ULK4: variants seen among roughly 807,000 people sequenced by gnomAD.
The protein encoded by ULK4 is inactive serine/threonine-protein kinase ULK4.
A neutral mutation model predicts 160.6 loss-of-function variants in ULK4; 133 were observed. The observed-to-expected ratio is 0.83, with a 90% CI of 0.72 to 0.96. The LOEUF (loss-of-function observed/expected upper bound fraction) is 0.96. Ranked by LOEUF, ULK4 falls within the 40% of genes least tolerant of loss-of-function variation. The pLI is 0.00. For missense variants in ULK4, 1,580 were observed against 1,499.5 expected, an observed-to-expected ratio of 1.05 and a Z score of -0.89; for synonymous variants, 534 against 539.8, an observed-to-expected ratio of 0.99 and a Z score of 0.15.
intron 35 of ULK4, among the ~76,000 whole-genome samples, chr3:41,281,810 G>A (rs1169324049): frequency 1.3e-5 from 2 of 152,208 alleles, no homozygotes; most frequent in Non-Finnish European, 2.9e-5. Flanking sequence ...GGGAAATCAG[G>A]CAAGAGAAAG....
At chr3:41,819,739 C>A (rs1642292502) in intron 18 of ULK4, among the ~76,000 whole-genome samples, 1 of 151,782 alleles carries the variant, frequency 6.6e-6, no homozygotes, top group South Asian at 2.1e-4. Context: ...GGGTAAGATC[C>A]CCTCATTAGA....
At chr3:41,499,054 GA>G (rs2085095975) in intron 32 of ULK4, among the ~76,000 whole-genome samples, 1 of 152,090 alleles carries the variant, frequency 6.6e-6, no homozygotes, top group Non-Finnish European at 1.5e-5. Flanking sequence ...TGTGGTAAGT[GA>G]AAAAAGGCCA....
At chr3:41,508,014 A>G (rs913905354) in intron 32 of ULK4, among the ~76,000 whole-genome samples, 3 of 152,208 alleles carry the variant, frequency 2.0e-5, no homozygotes, top group Non-Finnish European at 4.4e-5. Flanking sequence ...TTGCTTTCTC[A>G]GCAGGGAGGC....
chr3:41,702,924 G>C (rs1408498115), intron 27 of ULK4, among the ~76,000 whole-genome samples: 6 of 147,234 alleles, frequency 4.1e-5, no homozygotes, highest in Non-Finnish European at 7.4e-5. Context: ...CACAACCTCA[G>C]CTCACTGCAA....
At chr3:41,819,386 T>C (rs1015816722) in intron 19 of ULK4, 37 bp downstream of exon 19, 23 of 1,591,060 alleles carry the variant, frequency 1.4e-5, no homozygotes, top group Non-Finnish European at 1.9e-5. Context: ...GTTATTACAA[T>C]TGCCAGCATC....
chr3:41,279,153 G>A (rs1296070195), intron 35 of ULK4, among the ~76,000 whole-genome samples: 3 of 149,932 alleles, frequency 2.0e-5, no homozygotes, highest in Non-Finnish European at 4.4e-5. Context: ...ACGCATGCAC[G>A]AGTTTAAATA....
intron 19 of ULK4, among the ~76,000 whole-genome samples, chr3:41,816,250 A>T (rs1029265026): frequency 1.3e-5 from 2 of 152,190 alleles, no homozygotes; most frequent in Non-Finnish European, 2.9e-5. Context: ...ACACACACAC[A>T]TATTACAGCA....
At chr3:41,821,921 T>A (rs933089115) in intron 18 of ULK4, among the ~76,000 whole-genome samples, 1 of 152,196 alleles carries the variant, frequency 6.6e-6, no homozygotes, top group Non-Finnish European at 1.5e-5. Context: ...GTCCTTTAAA[T>A]TGGGCCTTAA....
At chr3:41,448,805 A>G (rs1409430597) in intron 34 of ULK4, among the ~76,000 whole-genome samples, 2 of 152,224 alleles carry the variant, frequency 1.3e-5, no homozygotes, top group African/African-American at 4.8e-5. Flanking sequence ...AATGATGTCC[A>G]CGTTCTTGGC....
chr3:41,637,190 C>T (rs947371768), intron 30 of ULK4, among the ~76,000 whole-genome samples: 2 of 152,068 alleles, frequency 1.3e-5, no homozygotes, highest in Non-Finnish European at 2.9e-5. Flanking sequence ...CCAGCATCTC[C>T]CCAACCTTCT....
At chr3:41,923,832 TA>T (rs1699285413) in intron 5 of ULK4, among the ~76,000 whole-genome samples, 1 of 152,216 alleles carries the variant, frequency 6.6e-6, no homozygotes, top group Admixed American at 6.5e-5. Flanking sequence ...CTAATTTCTC[TA>T]AATCAATCAA....
At chr3:41,658,338 G>A (rs2035017429) in intron 30 of ULK4, among the ~76,000 whole-genome samples, 1 of 152,104 alleles carries the variant, frequency 6.6e-6, no homozygotes, top group African/African-American at 2.4e-5. Context: ...TGATTTAATT[G>A]GCCTAGGGTA....
intron 30 of ULK4, among the ~76,000 whole-genome samples, chr3:41,655,230 A>C (rs922027850): frequency 4.6e-5 from 7 of 151,920 alleles, no homozygotes; most frequent in Admixed American, 2.6e-4. Flanking sequence ...CTTTGCAGGG[A>C]CATAGATGAA....
At chr3:41,426,448 G>A (rs186673664) in intron 34 of ULK4, among the ~76,000 whole-genome samples, 69 of 152,130 alleles carry the variant, frequency 4.5e-4, no homozygotes, top group African/African-American at 1.5e-3. Context: ...GAACTCTCCC[G>A]GACAAACAAC....
chr3:41,905,262 C>T (rs1698512109), intron 12 of ULK4, among the ~76,000 whole-genome samples: 1 of 150,116 alleles, frequency 6.7e-6, no homozygotes, highest in African/African-American at 2.4e-5. Flanking sequence ...AGCGCTGAGA[C>T]AACTGGATGT....
chr3:41,687,257 C>G (rs2125799602), intron 27 of ULK4, among the ~76,000 whole-genome samples: 1 of 152,044 alleles, frequency 6.6e-6, no homozygotes, highest in Admixed American at 6.6e-5. Flanking sequence ...CCTGTAGTCC[C>G]AGCTACTCAG....
At chr3:41,437,432 T>C (rs571891993) in intron 34 of ULK4, among the ~76,000 whole-genome samples, 4 of 152,346 alleles carry the variant, frequency 2.6e-5, no homozygotes, top group African/African-American at 9.6e-5. Flanking sequence ...ACTATGTAGA[T>C]ATTTCTCTCC....
At chr3:41,846,860 T>C (rs2042082210) in intron 17 of ULK4, among the ~76,000 whole-genome samples, 1 of 151,926 alleles carries the variant, frequency 6.6e-6, no homozygotes, top group Non-Finnish European at 1.5e-5. Flanking sequence ...AAATAGGATA[T>C]TCAAGTATCA....
intron 32 of ULK4, among the ~76,000 whole-genome samples, chr3:41,496,372 C>T (rs1200153348): frequency 6.6e-6 from 1 of 151,950 alleles, no homozygotes; most frequent in African/African-American, 2.4e-5. Context: ...AAATGTCAGA[C>T]AAAAAGCAAT....
Sources: allele counts gnomAD v4.1 joint callset (sites outside exome capture counted in the v4.1 genomes callset), GRCh38; gene constraint gnomAD v4.1.1; transcripts MANE v1.5; gene names NCBI Gene and HGNC (gene_info 2026-07-23, HGNC 2026-07-21).